The following NBEA variants were observed in gnomAD, a reference collection of about 807,000 sequenced individuals.
NBEA encodes lysosomal-trafficking regulator 2.
A neutral mutation model predicts 343.4 loss-of-function variants in NBEA; 44 were observed. The observed-to-expected ratio is 0.13, with a 90% CI of 0.10 to 0.16. The LOEUF (loss-of-function observed/expected upper bound fraction) is 0.16. Ranked by LOEUF, NBEA falls within the 10% of genes least tolerant of loss-of-function variation. The pLI is 1.00. For synonymous variants in NBEA, 1,175 were observed against 1,238.7 expected (o/e 0.95, Z 1.08); for missense variants, 2,555 against 3,631.3 (o/e 0.70, Z 7.62).
chr13:35,553,232 G>A (rs1315635943), intron 43 of NBEA, among the ~76,000 whole-genome samples: 1 of 152,084 alleles, frequency 6.6e-6, no homozygotes, highest in Non-Finnish European at 1.5e-5. Flanking sequence ...ACAAAAGGCA[G>A]CTCAGTAGTT....
At chr13:34,985,623 C>A (rs116768547) in intron 1 of NBEA, among the ~76,000 whole-genome samples, 2,419 of 150,900 alleles carry the variant, frequency 0.016, 89 homozygotes, top group African/African-American at 0.05. Flanking sequence ...GCTACCAGCT[C>A]CTTTTTGTAC....
chr13:35,071,217 TA>T (rs1371684145), intron 10 of NBEA, among the ~76,000 whole-genome samples: 1 of 152,036 alleles, frequency 6.6e-6, no homozygotes, highest in African/African-American at 2.4e-5. Context: ...ATTACTAGGG[TA>T]AAGTTATTCA....
At chr13:35,563,129 G>A (rs1177765523) in intron 44 of NBEA, among the ~76,000 whole-genome samples, 2 of 79,554 alleles carry the variant, frequency 2.5e-5, no homozygotes, top group African/African-American at 7.4e-5. Flanking sequence ...GTGTGTGTGT[G>A]TGGAGATAGA....
chr13:35,659,982 C>T (rs911808597), intron 55 of NBEA, among the ~76,000 whole-genome samples: 1 of 152,196 alleles, frequency 6.6e-6, no homozygotes, highest in African/African-American at 2.4e-5. Context: ...GTGCTAAAAG[C>T]TGATTGAATT....
At chr13:35,251,404 T>G (rs1010925710) in intron 34 of NBEA, 1 of 1,053,624 alleles carries the variant, frequency 9.5e-7, no homozygotes, top group Non-Finnish European at 1.1e-6. Flanking sequence ...CATCTGTCAC[T>G]ACAGAGATCC....
At chr13:35,532,050 T>C (rs1408484440) in intron 41 of NBEA, among the ~76,000 whole-genome samples, 2 of 152,214 alleles carry the variant, frequency 1.3e-5, no homozygotes, top group Non-Finnish European at 2.9e-5. Flanking sequence ...ATAAAAGACA[T>C]AGAAAGTAGA....
intron 8 of NBEA, among the ~76,000 whole-genome samples, chr13:35,064,199 C>A (rs2152570572): frequency 6.6e-6 from 1 of 151,768 alleles, no homozygotes; most frequent in South Asian, 2.1e-4. Flanking sequence ...GATTTAGGTA[C>A]CAGTGAAGTG....
rs1322801376 is a variant in NBEA, at chr13:34,942,471, C to CG, written c.-344dup. On this transcript the variant is annotated 5_prime_UTR_variant, in exon 1 of 59. Coordinates refer to ENST00000379939, the MANE Select transcript of NBEA (RefSeq NM_001385012.1). ...TCTCGGAGCGGCTGCAGCATCTCCGCGGGGGGCGGGCCGGGCCGGACAGAC... is the reference window on the plus strand; with the variant it reads ...TCTCGGAGCGGCTGCAGCATCTCCGCGGGGGGGCGGGCCGGGCCGGACAGAC... The CG allele has an allele frequency of 1.2e-5, 2 of 168,412 alleles. No homozygotes were observed. Among genetic ancestry groups the CG allele is most frequent in the African/African-American group, 2.4e-5 (1 of 41,982 alleles). 10.4% of individuals were successfully genotyped at this position (168,412 alleles called of 1,614,324 possible).
chr13:35,301,010 GC>G (rs2036503572), intron 35 of NBEA, among the ~76,000 whole-genome samples: 1 of 151,988 alleles, frequency 6.6e-6, no homozygotes, highest in Non-Finnish European at 1.5e-5. Flanking sequence ...TATTAAACAT[GC>G]TTTAAAAACC....
chr13:35,379,723 T>TG (rs2041916534), intron 38 of NBEA, among the ~76,000 whole-genome samples: 1 of 151,698 alleles, frequency 6.6e-6, no homozygotes, highest in Non-Finnish European at 1.5e-5. Flanking sequence ...TTTTTTTTTT[T>TG]GCATGGATAT....
intron 47 of NBEA, among the ~76,000 whole-genome samples, chr13:35,603,952 T>C: frequency 6.6e-6 from 1 of 152,114 alleles, no homozygotes; most frequent in Middle Eastern, 3.4e-3. Flanking sequence ...GAAGAAACTA[T>C]ATATTTTACA....
At chr13:35,021,384 G>T (rs1390749528) in intron 1 of NBEA, among the ~76,000 whole-genome samples, 1 of 152,062 alleles carries the variant, frequency 6.6e-6, no homozygotes, top group Admixed American at 6.6e-5. Context: ...AGATTGTAAT[G>T]GAGTCTTGCT....
At chr13:35,461,767 G>A (rs1413311231) in intron 40 of NBEA, among the ~76,000 whole-genome samples, 1 of 152,206 alleles carries the variant, frequency 6.6e-6, no homozygotes, top group African/African-American at 2.4e-5. Flanking sequence ...ACTACAGTTA[G>A]AATAGTGCTA....
chr13:35,094,319 G>A (rs945020355), intron 10 of NBEA, among the ~76,000 whole-genome samples: 10 of 152,010 alleles, frequency 6.6e-5, no homozygotes, highest in Middle Eastern at 3.4e-3. Context: ...TCATGGCTCC[G>A]GGCAGACTCA....
chr13:35,063,421 C>T (rs1414727178), intron 8 of NBEA, among the ~76,000 whole-genome samples: 5 of 151,832 alleles, frequency 3.3e-5, no homozygotes, highest in South Asian at 2.1e-4. Context: ...AGTGGATATA[C>T]GGGGAAGAGC....
At chr13:35,597,754 G>C (rs1373467947) in intron 47 of NBEA, among the ~76,000 whole-genome samples, 1 of 152,096 alleles carries the variant, frequency 6.6e-6, no homozygotes, top group Non-Finnish European at 1.5e-5. Flanking sequence ...TTAAGAATGG[G>C]AGCTGCAAGG....
intron 48 of NBEA, among the ~76,000 whole-genome samples, chr13:35,619,682 A>G (rs2082893703): frequency 6.6e-6 from 1 of 152,118 alleles, no homozygotes; most frequent in South Asian, 2.1e-4. Flanking sequence ...TCTCAACTGC[A>G]TTCAGGTGTG....
intron 1 of NBEA, among the ~76,000 whole-genome samples, chr13:34,994,159 C>T (rs1338082560): frequency 8.1e-6 from 1 of 123,278 alleles, no homozygotes; most frequent in African/African-American, 3.1e-5. Flanking sequence ...GGTCATGCCA[C>T]TGTACTCTAG....
At chr13:35,652,239 G>T (rs34580999) in intron 53 of NBEA, among the ~76,000 whole-genome samples, 7 of 151,262 alleles carry the variant, frequency 4.6e-5, no homozygotes, top group Non-Finnish European at 1.0e-4. Context: ...AGAAATACCT[G>T]ATGTAAATGA....
Sources: allele counts gnomAD v4.1 joint callset (sites outside exome capture counted in the v4.1 genomes callset), GRCh38; gene constraint gnomAD v4.1.1; transcripts MANE v1.5; gene names NCBI Gene and HGNC (gene_info 2026-07-23, HGNC 2026-07-21).